ARAP1: variants seen among roughly 807,000 people sequenced by gnomAD.
ARAP1 encodes arf-GAP with Rho-GAP domain, ANK repeat and PH domain-containing protein 1.
A neutral mutation model predicts 172.2 loss-of-function variants in ARAP1; 76 were observed. That is an observed-to-expected ratio of 0.44 (90% CI 0.37 to 0.53). The LOEUF (loss-of-function observed/expected upper bound fraction) is 0.53. Among genes scored for constraint, ARAP1 ranks in the 20% least tolerant of loss-of-function variants. The pLI is 0.00. For synonymous variants in ARAP1, 804 were observed against 803.3 expected (o/e 1.00, Z -0.01); for missense variants, 1,686 against 1,977.5 (o/e 0.85, Z 2.80).
At chr11:72,696,408 A>G in intron 23 of ARAP1, 141 bp downstream of exon 23, 1 of 598,746 alleles carries the variant, frequency 1.7e-6, no homozygotes, top group Non-Finnish European at 2.7e-6. Flanking sequence ...TGCTCTACAA[A>G]TATCCAATGT....
chr11:72,700,728 G>T (rs982872828), intron 16 of ARAP1, among the ~76,000 whole-genome samples: 1 of 152,260 alleles, frequency 6.6e-6, no homozygotes, highest in African/African-American at 2.4e-5. Context: ...GGGTAGCCAG[G>T]CGTGGTGACT....
At position 72,726,966 on chromosome 11, in the gene ARAP1, C is replaced by A; in HGVS notation, c.163G>T (p.Gly55Cys). ...CCAGCCAGGATGCGGCGGCGGTGAC[C>A]AGGGAGTAGCATGCCCATGTCCATC... Reference protein sequence around the residue: ...RLMDMGMLLPGHRRRILAGLL... With the variant: ...RLMDMGMLLPCHRRRILAGLL... The change falls in exon 3 of 35, where the codon GGT becomes TGT. Residue 55 changes from glycine to cysteine, a missense_variant. Gly to Cys is a radical substitution (Grantham distance 159). Coordinates refer to ENST00000393609, the MANE Select transcript of ARAP1 (RefSeq NM_001040118.3). This position sits in a 1 kb window ranked among gnomAD's most constrained non-coding sequence, Gnocchi z 6.5. The A allele has an allele frequency of 6.2e-7, 1 of 1,602,058 alleles. No individual in the cohort carries two copies. Among genetic ancestry groups the A allele is most frequent in the African/African-American group, 1.3e-5 (1 of 74,792 alleles).
chr11:72,713,206 C>G lies in ARAP1; in HGVS notation c.717G>C (p.Pro239=), dbSNP rs761289421. The part of the protein sequence containing the change: ...SDYDEVPEEG[P]GAPARVMTKK... ...TGGTCATCACTCTGGCTGGGGCCCC[C>G]GGCCCCTCCTCTGGGACCTCATCGT... Residue 239 remains proline (P), a synonymous_variant, in exon 5 of 35, where the codon CCG becomes CCC. Coordinates refer to ENST00000393609, the MANE Select transcript of ARAP1 (RefSeq NM_001040118.3). The G allele has an allele frequency of 6.2e-7, 1 of 1,613,578 alleles. No individual in the cohort carries two copies. The highest frequency in any genetic ancestry group is 1.1e-5 in the South Asian group (1 of 90,948).
chr11:72,699,676 C>G lies in ARAP1; in HGVS notation c.2303-124G>C. Reference sequence around the variant, plus strand: ...AGCTCTTCATTCTCTCAAGTTTTCCCTAAATCCATCCACCTCTCTGCATCC... The same window carrying G: ...AGCTCTTCATTCTCTCAAGTTTTCCGTAAATCCATCCACCTCTCTGCATCC... On this transcript the variant is annotated intron_variant, in intron 16 of 34. Coordinates refer to ENST00000393609, the MANE Select transcript of ARAP1 (RefSeq NM_001040118.3). This position sits in a 1 kb window ranked among gnomAD's most constrained non-coding sequence, Gnocchi z 4.2. 1.5e-6 allele frequency: 2 copies of G among 1,331,918 alleles called. No homozygotes were observed. The highest frequency in any genetic ancestry group is 2.0e-6 in the Non-Finnish European group (2 of 985,788). The allele number at this position is 1,331,918 out of a possible 1,614,324, so 82.5% of individuals were successfully genotyped here.
chr11:72,721,047 G>A (rs1380443257), intron 3 of ARAP1, among the ~76,000 whole-genome samples: 1 of 152,106 alleles, frequency 6.6e-6, no homozygotes, highest in Non-Finnish European at 1.5e-5. Flanking sequence ...GCTCACAGAA[G>A]TACTGAGCTC....
At position 72,710,997 on chromosome 11, in the gene ARAP1, C is replaced by A. The variant is rs757118058; in HGVS notation, c.1213+24G>T. On this transcript the variant is annotated intron_variant, in intron 9 of 34. Transcript: ENST00000393609. The surrounding 1 kb of genome is among the most constrained non-coding windows in gnomAD (Gnocchi z 4.3). The stretch of plus-strand genomic sequence containing the variant: ...TCTTCTCTACCCTCTTCTACACACA[C>A]ACACAACACCCCACACTCCCCACCA... 6.8e-6 allele frequency: 11 copies of A among 1,614,046 alleles called. No individual in the cohort carries two copies. The East Asian group carries it at 2.2e-4, about 33-fold the overall frequency.
chr11:72,709,804 G>A (rs940642538), intron 11 of ARAP1, 66 bp downstream of exon 11: 17 of 1,551,240 alleles, frequency 1.1e-5, no homozygotes, highest in South Asian at 7.8e-5. Context: ...AGCTTCCCAC[G>A]TCGCGCAAAA....
chr11:72,714,716 C>A (rs936324125), intron 3 of ARAP1, among the ~76,000 whole-genome samples: 1 of 152,148 alleles, frequency 6.6e-6, no homozygotes, highest in African/African-American at 2.4e-5. Context: ...AGAGAAGGGA[C>A]AGGATTGAAA....
chr11:72,696,843 G>C lies in ARAP1; in HGVS notation c.3166+140C>G, dbSNP rs931690587. 31 of 1,021,302 alleles carry C rather than the reference G, an allele frequency of 3.0e-5. No individual in the cohort carries two copies. The African/African-American group carries it at 4.2e-4, about 14-fold the overall frequency. 63.3% of individuals were successfully genotyped at this position (1,021,302 alleles called of 1,614,324 possible). On this transcript the variant is annotated intron_variant, in intron 22 of 34. Coordinates refer to ENST00000393609, the MANE Select transcript of ARAP1 (RefSeq NM_001040118.3). The stretch of plus-strand genomic sequence containing the variant: ...GGCCCCTGGCTCTGTATGGAGCGGC[G>C]ATGGGAATGAGAAGCAGAGGCAGGC...
In ARAP1 at chr11:72,710,339, G is replaced by A. The variant is rs372125136; in HGVS notation, c.1416+46C>T. Reference sequence around the variant, plus strand: ...AAGGCCCTAGGTCAGCCTGGGGCAGGGTAGGTGGACATGGGCAGGGGAGAG... The same window carrying A: ...AAGGCCCTAGGTCAGCCTGGGGCAGAGTAGGTGGACATGGGCAGGGGAGAG... On this transcript the variant is annotated intron_variant, in intron 10 of 34. Transcript: ENST00000393609. This position sits in a 1 kb window ranked among gnomAD's most constrained non-coding sequence, Gnocchi z 4.3. The A allele has an allele frequency of 4.5e-5, 73 of 1,606,404 alleles. No individual in the cohort carries two copies. Among genetic ancestry groups the A allele is most frequent in the Non-Finnish European group, 5.4e-5 (63 of 1,174,142 alleles).
At position 72,685,669 on chromosome 11, in the gene ARAP1, C is replaced by T. The variant is rs1855638523; in HGVS notation, c.4348G>A (p.Val1450Ile). The change falls in exon 35 of 35, where the codon GTC (valine) becomes ATC (isoleucine). Residue 1450 changes from valine (V) to isoleucine (I), a missense_variant. Coordinates refer to ENST00000393609, the MANE Select transcript of ARAP1 (RefSeq NM_001040118.3). ...CCAAGGATGGGCTCCTGTGCTCAGA[C>T]GTTGCGCAGAAGCTGCAGGAAGGCA... ...TADPLSLLRNV is the reference protein window; with the variant it reads ...TADPLSLLRNI 2 of 1,614,072 alleles carry T rather than the reference C, an allele frequency of 1.2e-6. No individual in the cohort carries two copies. Among genetic ancestry groups the T allele is most frequent in the African/African-American group, 1.3e-5 (1 of 75,048 alleles).
chr11:72,744,599 C>T (rs934079630), intron 1 of ARAP1, among the ~76,000 whole-genome samples: 3 of 152,206 alleles, frequency 2.0e-5, no homozygotes, highest in South Asian at 4.1e-4. Context: ...TAGCCAGGGC[C>T]GCACGGGCAA....
chr11:72,722,215 G>A lies in ARAP1; in HGVS notation c.509+4405C>T, dbSNP rs117607220. 1,275 of 985,740 alleles carry A rather than the reference G, an allele frequency of 1.3e-3. 1 individual carries two copies. The highest frequency in any genetic ancestry group is 1.5e-3 in the Non-Finnish European group (1,206 of 830,226). 61.1% of individuals were successfully genotyped at this position (985,740 alleles called of 1,614,324 possible). ...AGAGAGAGTGTGTGTGAGTGTGTGT[G>A]ACTCTGTGTGTCTGTGTGTATGTGT... On this transcript the variant is annotated intron_variant, in intron 3 of 34. Coordinates refer to ENST00000393609, the MANE Select transcript of ARAP1 (RefSeq NM_001040118.3).
chr11:72,690,798 T>C (rs1184620714), intron 30 of ARAP1, among the ~76,000 whole-genome samples: 1 of 152,230 alleles, frequency 6.6e-6, no homozygotes, highest in Non-Finnish European at 1.5e-5. Context: ...AAGATCTTTC[T>C]AGCATGTGCC....
chr11:72,714,347 T>C, intron 3 of ARAP1, 26 bp from the exon 4 acceptor site: 1 of 1,541,174 alleles, frequency 6.5e-7, no homozygotes, highest in Non-Finnish European at 8.8e-7. Context: ...AAGTTGGGCA[T>C]CACTAAGCAA....
At position 72,713,031 on chromosome 11, in the gene ARAP1, G is replaced by A. The variant is rs148757369; in HGVS notation, c.747+145C>T. On this transcript the variant is annotated intron_variant, in intron 5 of 34. Transcript: ENST00000393609. ...TGGCTACACGTGACTCCTGACCCCC[G>A]TATGGCAAGAGAGTGAGGTGGGGGA... 490 of 863,784 alleles carry A rather than the reference G, an allele frequency of 5.7e-4. 3 individuals are homozygous for A. In the African/African-American group the frequency reaches 7.5e-3, roughly 13 times the overall value. 53.5% of individuals were successfully genotyped at this position (863,784 alleles called of 1,614,324 possible).
At chr11:72,720,121 G>A (rs991565717) in intron 3 of ARAP1, among the ~76,000 whole-genome samples, 5 of 152,150 alleles carry the variant, frequency 3.3e-5, no homozygotes, top group African/African-American at 1.2e-4. Context: ...CACAGGTCTT[G>A]GAGGGACCTG....
chr11:72,745,194 T>A (rs1858320078), intron 1 of ARAP1, among the ~76,000 whole-genome samples: 1 of 139,970 alleles, frequency 7.1e-6, no homozygotes, highest in Non-Finnish European at 1.5e-5. Flanking sequence ...TTTTTTTTTT[T>A]TTTTTTTTTT....
At position 72,692,776 on chromosome 11, in the gene ARAP1, G is replaced by A. The variant is rs112169308; in HGVS notation, c.3964C>T (p.Pro1322Ser). 1.7e-5 allele frequency: 28 copies of A among 1,613,570 alleles called. No homozygotes were observed. The African/African-American group carries it at 3.5e-4, about 20-fold the overall frequency. The change falls in exon 30 of 35, where the codon CCG becomes TCG. Residue 1322 changes from proline (P) to serine (S), a missense_variant. Pro to Ser is a moderately conservative substitution (Grantham distance 74). Transcript: ENST00000393609. ...RLYKEVRSQR[P>S]WSGAPETSHR... is the part of the protein sequence containing the mutation. Reference sequence around the variant, plus strand: ...ACGGTCTCAGGGGCCCCGCTCCACGGCCTCTGGCTCTGTTTGATAGAGGAT... The same window carrying A: ...ACGGTCTCAGGGGCCCCGCTCCACGACCTCTGGCTCTGTTTGATAGAGGAT...
Sources: gnomAD v4.1 joint callset for allele counts (sites outside exome capture counted in the v4.1 genomes callset) on GRCh38, gnomAD v4.1.1 for gene constraint, Gnocchi (gnomAD v3.1) non-coding constraint, MANE v1.5 for transcripts, NCBI Gene and HGNC (gene_info 2026-07-23, HGNC 2026-07-21) for gene names.